FER1L6: variants seen among roughly 807,000 people sequenced by gnomAD.
FER1L6 encodes the protein fer-1-like protein 6.
A neutral mutation model predicts 219.2 loss-of-function variants in FER1L6; 177 were observed. The observed-to-expected ratio is 0.81, with a 90% CI of 0.71 to 0.91. The LOEUF (loss-of-function observed/expected upper bound fraction) is 0.91, where lower values mean the gene tolerates loss of function less well. Among genes scored for constraint, FER1L6 ranks in the 40% least tolerant of loss-of-function variants. The pLI is 0.00. For missense variants in FER1L6, 2,153 were observed against 2,259.9 expected, an observed-to-expected ratio of 0.95 and a Z score of 0.96; for synonymous variants, 768 against 824.3, an observed-to-expected ratio of 0.93 and a Z score of 1.17.
intron 18 of FER1L6, among the ~76,000 whole-genome samples, chr8:124,030,144 A>G (rs1818893851): frequency 6.6e-6 from 1 of 152,176 alleles, no homozygotes. Context: ...TGGTACCAGT[A>G]CCATGTGAAA....
At chr8:124,027,666 C>A (rs1476961025) in intron 18 of FER1L6, among the ~76,000 whole-genome samples, 1 of 152,148 alleles carries the variant, frequency 6.6e-6, no homozygotes, top group Non-Finnish European at 1.5e-5. Context: ...CTCAAGCAAT[C>A]CTCCCACCTT....
In FER1L6 at chr8:124,118,825, GT is replaced by G; in HGVS notation, c.5290-15del. The stretch of plus-strand genomic sequence containing the variant: ...GGGTCTTTGTGACTGGAAACAAAAG[GT>G]TTTGCATCTTTTTGCAGGGCAAGGT... On this transcript the variant is annotated intron_variant, in intron 39 of 40. Transcript: ENST00000522917. The G allele has an allele frequency of 6.2e-7, 1 of 1,611,888 alleles. No homozygotes were observed. Among genetic ancestry groups the G allele is most frequent in the Non-Finnish European group, 8.5e-7 (1 of 1,178,618 alleles).
intron 1 of FER1L6, among the ~76,000 whole-genome samples, chr8:123,867,159 T>A (rs533181812): frequency 7.2e-5 from 11 of 152,346 alleles, no homozygotes; most frequent in African/African-American, 2.6e-4. Flanking sequence ...TTGTGGAGAT[T>A]TTCTCCTGTG....
intron 1 of FER1L6, among the ~76,000 whole-genome samples, chr8:123,927,767 T>C (rs546588344): frequency 7.9e-5 from 12 of 152,350 alleles, no homozygotes; most frequent in Non-Finnish European, 1.8e-4. Flanking sequence ...TCACATTTAT[T>C]GCTTCTTCTC....
rs757183228 is a variant in FER1L6, at chr8:124,060,283, G to A, written c.2978G>A (p.Arg993Gln). 25 of 1,613,954 alleles carry A rather than the reference G, an allele frequency of 1.5e-5. No homozygotes were observed. Among genetic ancestry groups the A allele is most frequent in the Admixed American group, 1.2e-4 (7 of 60,008 alleles). The change falls in exon 23 of 41, where the codon CGA becomes CAA. Residue 993 changes from arginine (R) to glutamine (Q), a missense_variant. Coordinates refer to ENST00000522917, the MANE Select transcript of FER1L6 (RefSeq NM_001039112.2). ...ANIRPVLSKYRVEVLFWGVRE... is the reference protein window; with the variant it reads ...ANIRPVLSKYQVEVLFWGVRE... ...ATTCGGCCGGTGCTGAGCAAATACCGAGTGGAGGTACGGGTCAGCGGAGGA... is the reference window on the plus strand; with the variant it reads ...ATTCGGCCGGTGCTGAGCAAATACCAAGTGGAGGTACGGGTCAGCGGAGGA...
chr8:123,903,088 T>C (rs981207494), intron 1 of FER1L6, among the ~76,000 whole-genome samples: 6 of 152,296 alleles, frequency 3.9e-5, no homozygotes, highest in Admixed American at 3.3e-4. Flanking sequence ...TAAATGCAAT[T>C]ATATCTTAGT....
intron 1 of FER1L6, among the ~76,000 whole-genome samples, chr8:123,937,531 A>C (rs1325363250): frequency 6.6e-6 from 1 of 152,146 alleles, no homozygotes; most frequent in Non-Finnish European, 1.5e-5. Flanking sequence ...AATACTCATA[A>C]AACCCTTGAT....
At chr8:124,051,962 T>A (rs1472607670) in intron 22 of FER1L6, among the ~76,000 whole-genome samples, 1 of 151,762 alleles carries the variant, frequency 6.6e-6, no homozygotes, top group Non-Finnish European at 1.5e-5. Context: ...TGGGTGAGAG[T>A]TCTTGGGGGA....
intron 1 of FER1L6, among the ~76,000 whole-genome samples, chr8:123,915,728 G>A (rs1221881478): frequency 1.3e-5 from 2 of 152,190 alleles, no homozygotes; most frequent in Non-Finnish European, 2.9e-5. Context: ...TACTGTTAGA[G>A]CCTAGGCAGG....
chr8:123,879,218 A>G (rs563320320), intron 1 of FER1L6, among the ~76,000 whole-genome samples: 2 of 152,324 alleles, frequency 1.3e-5, no homozygotes, highest in Admixed American at 6.5e-5. Context: ...CGGGAAGATC[A>G]GTTGAGCTCA....
At chr8:124,017,772 G>A in intron 16 of FER1L6, 54 bp downstream of exon 16, 1 of 1,456,994 alleles carries the variant, frequency 6.9e-7, no homozygotes, top group East Asian at 2.3e-5. Context: ...AAACCTCACG[G>A]ATGAGGCATA....
intron 12 of FER1L6, among the ~76,000 whole-genome samples, chr8:123,995,472 T>C (rs868601758): frequency 1.4e-4 from 22 of 152,232 alleles, no homozygotes; most frequent in African/African-American, 4.1e-4. Context: ...TAGTTGTTCA[T>C]AGCAGTCTCT....
chr8:123,878,183 G>A (rs915854232), intron 1 of FER1L6, among the ~76,000 whole-genome samples: 4 of 152,270 alleles, frequency 2.6e-5, no homozygotes, highest in African/African-American at 9.6e-5. Context: ...CAGAACAGAC[G>A]CAGGCCAGAG....
At position 124,076,511 on chromosome 8, in the gene FER1L6, T is replaced by C. The variant is rs1213088462; in HGVS notation, c.4220+186T>C. ...CATGGAGCAGGGTTGAATTCTTTCA[T>C]GGTCCCCTGAGGAATTTGGTGGTAC... is the stretch of plus-strand genomic sequence containing the variant. On this transcript the variant is annotated intron_variant, in intron 32 of 40. Coordinates refer to ENST00000522917, the MANE Select transcript of FER1L6 (RefSeq NM_001039112.2). Among the ~76,000 whole-genome samples, 12 of 152,330 alleles carry C rather than the reference T, an allele frequency of 7.9e-5. No homozygotes were observed. In the East Asian group the frequency reaches 2.1e-3, roughly 27 times the overall value.
At chr8:123,875,710 C>G (rs1272099806) in intron 1 of FER1L6, among the ~76,000 whole-genome samples, 1 of 152,228 alleles carries the variant, frequency 6.6e-6, no homozygotes, top group Non-Finnish European at 1.5e-5. Context: ...ATATGCTCTT[C>G]TAAATGTCTT....
At chr8:123,964,498 A>T (rs932559925) in intron 3 of FER1L6, among the ~76,000 whole-genome samples, 2 of 152,166 alleles carry the variant, frequency 1.3e-5, no homozygotes, top group African/African-American at 4.8e-5. Context: ...TCAAAAGAAG[A>T]CATGAAATGT....
chr8:123,859,976 T>C (rs1008068892), intron 1 of FER1L6, among the ~76,000 whole-genome samples: 2 of 126,590 alleles, frequency 1.6e-5, no homozygotes, highest in African/African-American at 5.6e-5. Flanking sequence ...ATTACTATTA[T>C]TATTATTATT....
At chr8:123,921,803 T>A (rs935288834) in intron 1 of FER1L6, among the ~76,000 whole-genome samples, 3 of 152,104 alleles carry the variant, frequency 2.0e-5, no homozygotes, top group Admixed American at 2.0e-4. Flanking sequence ...TGGATCTTAC[T>A]GATGATGATG....
At chr8:124,100,781 C>G (rs565843434) in intron 37 of FER1L6, among the ~76,000 whole-genome samples, 1 of 152,154 alleles carries the variant, frequency 6.6e-6, no homozygotes, top group African/African-American at 2.4e-5. Flanking sequence ...CCCAGGGTGA[C>G]AGAGATTCAG....
Sources: allele counts gnomAD v4.1 joint callset (sites outside exome capture counted in the v4.1 genomes callset), GRCh38; gene constraint gnomAD v4.1.1; transcripts MANE v1.5; gene names NCBI Gene and HGNC (gene_info 2026-07-23, HGNC 2026-07-21).